Variants in LRMDA observed in about 807,000 individuals in gnomAD.
LRMDA encodes leucine-rich melanocyte differentiation-associated protein.
Under a neutral mutation model 29.8 loss-of-function variants are expected in LRMDA, and 18 were observed. The ratio of observed to expected loss-of-function variants is 0.60; its 90% confidence interval spans 0.42 to 0.90. LRMDA has a LOEUF of 0.90. LRMDA is among the 40% of genes least tolerant of loss of function. The pLI is 0.00. For synonymous variants in LRMDA, 125 were observed against 109.4 expected, an observed-to-expected ratio of 1.14 and a Z score of -0.89; for missense variants, 273 against 273.9, an observed-to-expected ratio of 1.00 and a Z score of 0.02.
chr10:76,406,835 T>G (rs956590779), intron 6 of LRMDA, among the ~76,000 whole-genome samples: 1 of 152,142 alleles, frequency 6.6e-6, no homozygotes, highest in Non-Finnish European at 1.5e-5. Flanking sequence ...GAGAGGCCCT[T>G]GAGATGGTCT....
intron 4 of LRMDA, among the ~76,000 whole-genome samples, chr10:76,056,463 A>G (rs756074633): frequency 3.3e-5 from 5 of 152,158 alleles, no homozygotes; most frequent in Non-Finnish European, 7.3e-5. Flanking sequence ...GCTGCCAGCC[A>G]TCAACCTGCT....
chr10:75,797,445 A>AT lies in LRMDA; in HGVS notation c.132-238556dup, dbSNP rs1210681869. On this transcript the variant is annotated intron_variant, in intron 2 of 6. Transcript: ENST00000611255. ...ATTATTTTAAGCATGTTCTTCAGTG[A>AT]TTTTTTTAAAATAAAATCATATAGT... Among the ~76,000 whole-genome samples, 10 of 152,218 alleles carry AT rather than the reference A, an allele frequency of 6.6e-5. No individual in the cohort carries two copies. The South Asian group carries it at 1.9e-3, about 28-fold the overall frequency.
At chr10:75,450,638 AT>A in intron 2 of LRMDA, 1 of 152,192 alleles carries the variant, frequency 6.6e-6, no homozygotes, top group Non-Finnish European at 1.5e-5. Flanking sequence ...TCCTTGATGG[AT>A]TTATTTATAA....
chr10:75,743,259 T>A (rs1484971134), intron 2 of LRMDA, among the ~76,000 whole-genome samples: 1 of 152,206 alleles, frequency 6.6e-6, no homozygotes, highest in Non-Finnish European at 1.5e-5. Context: ...TTCCCCTCAG[T>A]TAATCCGAAT....
intron 6 of LRMDA, among the ~76,000 whole-genome samples, chr10:76,347,488 G>A (rs1054956650): frequency 6.6e-6 from 1 of 152,124 alleles, no homozygotes; most frequent in Non-Finnish European, 1.5e-5. Context: ...AGATACCTCC[G>A]TGTGACTGCA....
chr10:76,156,157 C>T (rs527484179), intron 5 of LRMDA, among the ~76,000 whole-genome samples: 5 of 152,212 alleles, frequency 3.3e-5, no homozygotes, highest in Middle Eastern at 3.4e-3. Flanking sequence ...TTGGAAGTGT[C>T]GGTGTTATTG....
At chr10:75,650,180 G>T (rs1841579118) in intron 2 of LRMDA, among the ~76,000 whole-genome samples, 1 of 152,166 alleles carries the variant, frequency 6.6e-6, no homozygotes, top group Non-Finnish European at 1.5e-5. Context: ...TCATATCCAA[G>T]AAATCATTGC....
chr10:75,636,398 G>A (rs1181446808), intron 2 of LRMDA, among the ~76,000 whole-genome samples: 1 of 152,084 alleles, frequency 6.6e-6, no homozygotes, highest in African/African-American at 2.4e-5. Context: ...ACTTTCCAAT[G>A]CCAAACAATA....
At chr10:76,174,581 A>T (rs1299813525) in intron 5 of LRMDA, among the ~76,000 whole-genome samples, 1 of 152,046 alleles carries the variant, frequency 6.6e-6, no homozygotes, top group African/African-American at 2.4e-5. Context: ...TCTTACTGTG[A>T]TGGGTAAGGA....
At chr10:76,247,989 C>T (rs1852406182) in intron 5 of LRMDA, among the ~76,000 whole-genome samples, 2 of 152,090 alleles carry the variant, frequency 1.3e-5, no homozygotes, top group South Asian at 4.2e-4. Flanking sequence ...CATGTTTTCT[C>T]AAATAATGGG....
intron 5 of LRMDA, among the ~76,000 whole-genome samples, chr10:76,286,387 A>G (rs1382128392): frequency 6.6e-6 from 1 of 152,186 alleles, no homozygotes; most frequent in African/African-American, 2.4e-5. Context: ...GGGCTTTTCT[A>G]GTCTTGGGGC....
intron 2 of LRMDA, among the ~76,000 whole-genome samples, chr10:75,850,122 A>G (rs1331960998): frequency 6.6e-6 from 1 of 152,234 alleles, no homozygotes; most frequent in Non-Finnish European, 1.5e-5. Flanking sequence ...ATCCAGTTTA[A>G]TAAGACTGTA....
chr10:75,625,241 C>A (rs1282709047), intron 2 of LRMDA, among the ~76,000 whole-genome samples: 1 of 152,182 alleles, frequency 6.6e-6, no homozygotes, highest in Non-Finnish European at 1.5e-5. Context: ...CTGTTTTCAG[C>A]ACTTTACATG....
intron 6 of LRMDA, among the ~76,000 whole-genome samples, chr10:76,501,427 A>T (rs1488488482): frequency 1.3e-5 from 2 of 151,882 alleles, no homozygotes; most frequent in Non-Finnish European, 2.9e-5. Context: ...GCTCCGTTTT[A>T]TGTTCTTTGA....
In LRMDA at chr10:75,692,222, ATATATATATAT is replaced by A. The variant is rs1842171461; in HGVS notation, c.131+253729_131+253739del. On this transcript the variant is annotated intron_variant, in intron 2 of 6. Coordinates refer to ENST00000611255, the MANE Select transcript of LRMDA (RefSeq NM_001305581.2). ...GTCTCTGGGGGGAAAAAAAAAAAAT[ATATATATATAT>A]ATATATATATATATACATATATATA... Among the ~76,000 whole-genome samples the A allele has an allele frequency of 3.8e-3, 118 of 31,230 alleles. 4 individuals are homozygous for A. In the South Asian group the frequency reaches 0.097, roughly 26 times the overall value. The allele number at this position is 31,230 out of a possible 152,430, so 20.5% of individuals were successfully genotyped here. A position where few individuals can be genotyped will look rare whatever the true frequency, so the allele number is the denominator to read the frequency against.
At chr10:75,483,246 C>G (rs1289429374) in intron 2 of LRMDA, among the ~76,000 whole-genome samples, 1 of 152,164 alleles carries the variant, frequency 6.6e-6, no homozygotes, top group Non-Finnish European at 1.5e-5. Context: ...CACACCCCAC[C>G]CATCATTTCT....
At chr10:76,419,966 ATT>A (rs1842056173) in intron 6 of LRMDA, among the ~76,000 whole-genome samples, 1 of 152,168 alleles carries the variant, frequency 6.6e-6, no homozygotes, top group East Asian at 1.9e-4. Context: ...AACTGTTAAT[ATT>A]TTGTTTATGG....
intron 2 of LRMDA, among the ~76,000 whole-genome samples, chr10:75,983,079 T>C (rs778047267): frequency 6.6e-5 from 10 of 152,182 alleles, no homozygotes; most frequent in Non-Finnish European, 1.5e-4. Context: ...CAGGACCACA[T>C]TGCCTCCTTT....
chr10:75,997,543 AT>A (rs934837829), intron 2 of LRMDA, among the ~76,000 whole-genome samples: 8 of 151,732 alleles, frequency 5.3e-5, no homozygotes, highest in African/African-American at 1.9e-4. Context: ...AATGGCTAAG[AT>A]GTTTCTGTCT....
Sources: gnomAD v4.1 joint callset for allele counts (sites outside exome capture counted in the v4.1 genomes callset) on GRCh38, gnomAD v4.1.1 for gene constraint, MANE v1.5 for transcripts, NCBI Gene and HGNC (gene_info 2026-07-23, HGNC 2026-07-21) for gene names.